COPB1: variants seen among roughly 807,000 people sequenced by gnomAD.
The protein encoded by COPB1 is coatomer subunit beta.
Under a neutral mutation model 108.7 loss-of-function variants are expected in COPB1, and 21 were observed. The ratio of observed to expected loss-of-function variants is 0.19; its 90% CI spans 0.14 to 0.28. The LOEUF (loss-of-function observed/expected upper bound fraction) is 0.28, where lower values mean the gene tolerates loss of function less well. Among genes scored for constraint, COPB1 ranks in the 10% least tolerant of loss-of-function variants. The probability of loss-of-function intolerance (pLI) is 1.00; values close to 1 mark genes in which losing one functional copy is unlikely to be tolerated. For synonymous variants in COPB1, 378 were observed against 386.8 expected (o/e 0.98, Z 0.27); for missense variants, 919 against 1,141.3 (o/e 0.81, Z 2.81).
At chr11:14,495,261 GTAC>G (rs967418057) in intron 2 of COPB1, among the ~76,000 whole-genome samples, 1 of 152,168 alleles carries the variant, frequency 6.6e-6, no homozygotes, top group African/African-American at 2.4e-5. Flanking sequence ...GTAGCACACT[GTAC>G]TACAACTGTT....
rs1368723287 is a variant in COPB1, at chr11:14,464,915, A to G, written c.2406T>C (p.Asn802=). The part of the protein sequence containing the change: ...ASTENGIIFG[N]IVYDVSGAAS... ...TGCCATAAAACAGCACCTTACCTAT[A>G]TTACCAAAAATTATTCCATTTTCTG... Residue 802 remains asparagine (N), a synonymous_variant, in exon 18 of 22, where the codon AAT becomes AAC. Transcript: ENST00000439561. 1.2e-6 allele frequency: 2 copies of G among 1,612,674 alleles called. No homozygotes were observed. The highest frequency in any genetic ancestry group is 1.7e-6 in the Non-Finnish European group (2 of 1,179,544).
chr11:14,481,088 T>A lies in COPB1; in HGVS notation c.967A>T (p.Met323Leu). The A allele has an allele frequency of 6.2e-7, 1 of 1,604,262 alleles. No homozygotes were observed. The highest frequency in any genetic ancestry group is 8.5e-7 in the Non-Finnish European group (1 of 1,176,464). Residue 323 changes from methionine (M) to leucine (L), a missense_variant, in exon 9 of 22, where the codon ATG (methionine) becomes TTG (leucine). Physicochemically the swap from Met to Leu is conservative, Grantham distance 15 (BLOSUM62 2). Around this residue, in one of 5 missense-constraint regions of COPB1, gnomAD observed 705 missense variants for 817.8 expected, o/e 0.86. Transcript: ENST00000439561. ...GTGCTCAATACTCTTAGGATATCCA[T>A]AACCAGATCCTAAAAAAGAAGAAAA... ...AHERVLQDLV[M>L]DILRVLSTPD...
At chr11:14,472,326 T>A (rs766487548) in intron 14 of COPB1, among the ~76,000 whole-genome samples, 1 of 152,268 alleles carries the variant, frequency 6.6e-6, no homozygotes, top group Non-Finnish European at 1.5e-5. Context: ...CTTTTATTTC[T>A]GAGCAGTAGG....
rs1378344325 is a variant in COPB1 at position 14,457,704 on chromosome 11, TGAAA to T, written c.*116_*119del. The T allele has an allele frequency of 4.2e-6, 3 of 716,436 alleles. No individual in the cohort carries two copies. The highest frequency in any genetic ancestry group is 7.5e-6 in the Non-Finnish European group (3 of 400,586). 44.4% of individuals were successfully genotyped at this position (716,436 alleles called of 1,614,324 possible). A position where few individuals can be genotyped will look rare whatever the true frequency, so the allele number is the denominator to read the frequency against. ...AAGGGAAAGGCTATAAATTATTGGC[TGAAA>T]AGTATTCAGCATGAACTCAGATTCT... On this transcript the variant is annotated 3_prime_UTR_variant, in exon 22 of 22. Transcript: ENST00000439561.
At position 14,468,049 on chromosome 11, in the gene COPB1, TTAACTA is replaced by T. The variant is rs572181534; in HGVS notation, c.2145+626_2145+631del. 1.0e-3 allele frequency among the ~76,000 whole-genome samples: 153 copies of T among 152,270 alleles called. 1 individual carries two copies. The highest frequency in any genetic ancestry group is 4.0e-4 in the Non-Finnish European group (27 of 68,010). On this transcript the variant is annotated intron_variant, in intron 16 of 21. Transcript: ENST00000439561. ...TTAAAATGGCAAATCTTTTGCAACT[TTAACTA>T]TAATTCAAAAAAACTAAAAAAATTT...
At chr11:14,496,467 A>T (rs1268696787) in intron 2 of COPB1, among the ~76,000 whole-genome samples, 1 of 152,170 alleles carries the variant, frequency 6.6e-6, no homozygotes, top group Non-Finnish European at 1.5e-5. Flanking sequence ...CCACAGATAA[A>T]ATTAGATACC....
chr11:14,461,632 C>A (rs1401585608), intron 18 of COPB1, among the ~76,000 whole-genome samples: 3 of 152,180 alleles, frequency 2.0e-5, no homozygotes, highest in Non-Finnish European at 4.4e-5. Flanking sequence ...AACTCAGGCA[C>A]ACTTTGTTTT....
intron 13 of COPB1, among the ~76,000 whole-genome samples, chr11:14,475,393 C>A (rs1486877155): frequency 1.3e-5 from 2 of 152,174 alleles, no homozygotes; most frequent in Non-Finnish European, 2.9e-5. Flanking sequence ...ATTTCACCAT[C>A]TTCACCATTA....
At chr11:14,457,985 C>A in intron 21 of COPB1, 102 bp from the exon 22 acceptor site, 4 of 581,242 alleles carry the variant, frequency 6.9e-6, no homozygotes, top group Non-Finnish European at 2.8e-6. Flanking sequence ...ACACCATTAT[C>A]AACAATAAAA....
intron 15 of COPB1, among the ~76,000 whole-genome samples, chr11:14,469,072 G>A (rs907108215): frequency 2.6e-5 from 4 of 152,126 alleles, no homozygotes; most frequent in Admixed American, 6.5e-5. Context: ...ACAGCTCACT[G>A]CAGCCTCGAA....
intron 4 of COPB1, among the ~76,000 whole-genome samples, chr11:14,491,259 G>A (rs2134125427): frequency 6.6e-6 from 1 of 152,234 alleles, no homozygotes; most frequent in African/African-American, 2.4e-5. Context: ...CGTTGGCCAG[G>A]CTTGTCTCAT....
intron 14 of COPB1, among the ~76,000 whole-genome samples, chr11:14,470,474 G>GT (rs1184247825): frequency 1.3e-5 from 2 of 152,118 alleles, no homozygotes; most frequent in Admixed American, 6.5e-5. Flanking sequence ...ACTGAAGTCC[G>GT]TATTACTTAG....
At chr11:14,462,255 T>A (rs1850173714) in intron 18 of COPB1, among the ~76,000 whole-genome samples, 2 of 149,616 alleles carry the variant, frequency 1.3e-5, no homozygotes, top group African/African-American at 2.5e-5. Flanking sequence ...TTTTTTGAGA[T>A]GGAGTTTCAC....
intron 5 of COPB1, 65 bp from the exon 6 acceptor site, chr11:14,488,649 T>TAAAA: frequency 1.0e-6 from 1 of 965,528 alleles, no homozygotes; most frequent in South Asian, 1.8e-5. Flanking sequence ...TAATGCATCT[T>TAAAA]AAAAAATACA....
chr11:14,466,336 C>T lies in COPB1; in HGVS notation c.2236G>A (p.Val746Met). ...QYDIVLDVLV[V>M]NQTSDTLQNC... ...TGCAAAGTATCACTGGTTTGGTTCACAACAAGTACATCCAGGACAATATCA... is the reference window on the plus strand; with the variant it reads ...TGCAAAGTATCACTGGTTTGGTTCATAACAAGTACATCCAGGACAATATCA... Residue 746 changes from valine (V) to methionine (M), a missense_variant, in exon 17 of 22, where the codon GTG becomes ATG. Val to Met is a conservative substitution (Grantham distance 21). Coordinates refer to ENST00000439561, the MANE Select transcript of COPB1 (RefSeq NM_001144061.2). 1 of 1,613,628 alleles carries T rather than the reference C, an allele frequency of 6.2e-7. No homozygotes were observed. Among genetic ancestry groups the T allele is most frequent in the Middle Eastern group, 1.7e-4 (1 of 6,058 alleles).
At chr11:14,470,406 T>C (rs1205687323) in intron 14 of COPB1, among the ~76,000 whole-genome samples, 3 of 152,230 alleles carry the variant, frequency 2.0e-5, no homozygotes, top group East Asian at 3.8e-4. Flanking sequence ...TTAATCTTTA[T>C]ACTGCACCAA....
chr11:14,470,717 G>GA lies in COPB1; in HGVS notation c.1738-1155dup, dbSNP rs199941207. Among the ~76,000 whole-genome samples the GA allele has an allele frequency of 2.1e-4, 31 of 150,562 alleles. 1 individual carries two copies. The highest frequency in any genetic ancestry group is 4.6e-4 in the Admixed American group (7 of 15,102). On this transcript the variant is annotated intron_variant, in intron 14 of 21. Coordinates refer to ENST00000439561, the MANE Select transcript of COPB1 (RefSeq NM_001144061.2). ...AGGAGAGGAAAGAGAGGAGGGGACA[G>GA]AAAAAAAAATCCGAGGAAATGACTG... is the stretch of plus-strand genomic sequence containing the variant.
chr11:14,490,467 A>C, intron 5 of COPB1, 98 bp downstream of exon 5: 2 of 667,246 alleles, frequency 3.0e-6, no homozygotes, highest in Non-Finnish European at 4.8e-6. Context: ...CATGAACTAT[A>C]AACAAAATTA....
chr11:14,458,250 A>C (rs1187750362), intron 21 of COPB1, among the ~76,000 whole-genome samples: 1 of 151,684 alleles, frequency 6.6e-6, no homozygotes, highest in Non-Finnish European at 1.5e-5. Flanking sequence ...CCAGCTAATT[A>C]GTCACTAGAT....
Sources: allele counts gnomAD v4.1 joint callset (sites outside exome capture counted in the v4.1 genomes callset), GRCh38; gene constraint gnomAD v4.1.1; regional missense constraint gnomAD v4.1.1; transcripts MANE v1.5; gene names NCBI Gene and HGNC (gene_info 2026-07-23, HGNC 2026-07-21).